The following NOL7 variants were observed in gnomAD, a reference collection of about 807,000 sequenced individuals.
The protein encoded by NOL7 is U3 small nucleolar RNA-associated protein NOL7.
NOL7 carries 36 observed loss-of-function variants against 38.4 expected under a neutral mutation model. The ratio of observed to expected loss-of-function variants is 0.94; its 90% CI spans 0.72 to 1.24. The LOEUF (loss-of-function observed/expected upper bound fraction) is 1.24. NOL7 is among the 50% of genes most tolerant of loss of function. The pLI, the probability that NOL7 is intolerant of heterozygous loss-of-function variation, is 0.00. For synonymous variants in NOL7, 142 were observed against 126.5 expected, an observed-to-expected ratio of 1.12 and a Z score of -0.82; for missense variants, 350 against 315.1, an observed-to-expected ratio of 1.11 and a Z score of -0.84.
chr6:13,625,168 G>T (rs1164042423), downstream of NOL7, among the ~76,000 whole-genome samples: 1 of 152,078 alleles, frequency 6.6e-6, no homozygotes, highest in Non-Finnish European at 1.5e-5. Context: ...CCTAACTCTT[G>T]TGACAATTAT....
chr6:13,630,331 A>G (rs563850469), intron 8 of NOL7, among the ~76,000 whole-genome samples: 5 of 152,320 alleles, frequency 3.3e-5, no homozygotes, highest in South Asian at 2.1e-4. Flanking sequence ...TAACCAAGGA[A>G]TATCTTTGAG....
chr6:13,619,284 C>T (rs1341402534), intron 5 of NOL7, among the ~76,000 whole-genome samples: 1 of 152,236 alleles, frequency 6.6e-6, no homozygotes, highest in East Asian at 1.9e-4. Context: ...GCCTTATCTT[C>T]TATTCTTATG....
At position 13,617,102 on chromosome 6, in the gene NOL7, ACT is replaced by A. The variant is rs369903969; in HGVS notation, c.386+585_386+586del. On this transcript the variant is annotated intron_variant, in intron 3 of 7. Coordinates refer to ENST00000451315, the MANE Select transcript of NOL7 (RefSeq NM_016167.5). ...CAGCCCCCTTTTGCTTAGGCCAGTG[ACT>A]CTCAAGTTTTCAGTAAAAAAACTTT... 1.4e-3 allele frequency among the ~76,000 whole-genome samples: 206 copies of A among 151,610 alleles called. 8 individuals are homozygous for A. The South Asian group carries it at 0.04, about 29-fold the overall frequency.
intron 8 of NOL7, among the ~76,000 whole-genome samples, chr6:13,632,118 C>CTTTTTTTTTTTTTTTTTTT (rs752500098): frequency 1.3e-5 from 1 of 74,964 alleles, no homozygotes; most frequent in Non-Finnish European, 2.6e-5. Context: ...GGATTTAATC[C>CTTTTTTTTTTTTTTTTTTT]TTTTTTTTTT....
chr6:13,620,600 G>A, intron 7 of NOL7, 115 bp downstream of exon 7: 1 of 1,136,484 alleles, frequency 8.8e-7, no homozygotes. Context: ...TATATATTAA[G>A]TTACTTGTGA....
intron 2 of NOL7, among the ~76,000 whole-genome samples, 198 bp downstream of exon 2, chr6:13,615,970 A>T (rs999500532): frequency 1.3e-5 from 2 of 152,048 alleles, no homozygotes; most frequent in Non-Finnish European, 2.9e-5. Flanking sequence ...CGGGATGTCG[A>T]GGCTGCCTGG....
chr6:13,631,422 T>C (rs1468334613), intron 8 of NOL7, among the ~76,000 whole-genome samples: 1 of 152,212 alleles, frequency 6.6e-6, no homozygotes, highest in African/African-American at 2.4e-5. Flanking sequence ...TAATTGAGCA[T>C]CTCTCATCTT....
intron 3 of NOL7, 143 bp downstream of exon 3, chr6:13,616,664 A>C (rs995622578): frequency 6.7e-6 from 4 of 593,332 alleles, no homozygotes; most frequent in African/African-American, 3.8e-5. Flanking sequence ...ATTTGATGGG[A>C]AAGACGGAGG....
At chr6:13,620,618 G>A (rs1414238364) in intron 7 of NOL7, 133 bp downstream of exon 7, 9 of 1,016,360 alleles carry the variant, frequency 8.9e-6, no homozygotes, top group African/African-American at 1.6e-5. Context: ...TGAAAAACAG[G>A]TCAATGTAGT....
chr6:13,626,848 A>G (rs1465796519), intron 8 of NOL7, among the ~76,000 whole-genome samples: 1 of 152,236 alleles, frequency 6.6e-6, no homozygotes, highest in Non-Finnish European at 1.5e-5. Flanking sequence ...TAGTGTTATG[A>G]AAGCAGAGGT....
intron 8 of NOL7, among the ~76,000 whole-genome samples, chr6:13,628,394 C>T (rs1160654455): frequency 6.6e-6 from 1 of 151,962 alleles, no homozygotes; most frequent in Non-Finnish European, 1.5e-5. Context: ...CAAACTCAGG[C>T]TGAGAGAAAG....
Position 13,618,092 on chromosome 6 carries a change from A to G in NOL7, c.453A>G (p.Lys151=), listed in dbSNP as rs767993129. ...NLQKKNEDCE[K]GNDSKKVKVQ... ...AAAAGAAAAATGAAGACTGTGAAAA[A>G]GGAAATGACTCCAAGAAAGTTAAAG... The change falls in exon 5 of 8, where the codon AAA becomes AAG. Residue 151 remains lysine, a synonymous_variant. Transcript: ENST00000451315. 12 of 1,585,054 alleles carry G rather than the reference A, an allele frequency of 7.6e-6. No individual in the cohort carries two copies. In the Admixed American group the frequency reaches 1.2e-4, roughly 16 times the overall value.
At chr6:13,617,984 A>C in intron 4 of NOL7, 74 bp from the exon 5 acceptor site, 2 of 1,005,304 alleles carry the variant, frequency 2.0e-6, no homozygotes, top group Non-Finnish European at 3.1e-6. Context: ...GTGGATGCTT[A>C]AAGTGAACTC....
chr6:13,617,826 C>A (rs748694360), intron 4 of NOL7, 25 bp downstream of exon 4: 1 of 1,604,056 alleles, frequency 6.2e-7, no homozygotes, highest in Admixed American at 1.7e-5. Context: ...ATTTAACTAA[C>A]TTCTCATGTA....
chr6:13,618,341 G>A (rs1764342298), intron 5 of NOL7: 1 of 182,004 alleles, frequency 5.5e-6, no homozygotes, highest in Non-Finnish European at 1.2e-5. Context: ...TCCGCTTCCC[G>A]GGTTCACGCC....
chr6:13,617,331 TTCTC>T (rs1309516882), intron 3 of NOL7, among the ~76,000 whole-genome samples: 1 of 152,128 alleles, frequency 6.6e-6, no homozygotes, highest in East Asian at 1.9e-4. Flanking sequence ...CCATTTACAT[TTCTC>T]TCTCCATTGG....
At chr6:13,628,685 T>G (rs1004211932) in intron 8 of NOL7, among the ~76,000 whole-genome samples, 2 of 152,252 alleles carry the variant, frequency 1.3e-5, no homozygotes, top group African/African-American at 4.8e-5. Flanking sequence ...ACTTGATTCT[T>G]TCTTCACAAA....
downstream of NOL7, among the ~76,000 whole-genome samples, chr6:13,622,960 C>CATATAT (rs905700772): frequency 6.6e-6 from 1 of 152,260 alleles, no homozygotes; most frequent in African/African-American, 2.4e-5. Flanking sequence ...ATCTCCAAGG[C>CATATAT]ATATATAGGT....
At chr6:13,622,585 C>T (rs1332837457), downstream of NOL7, 1 of 1,301,450 alleles carries the variant, frequency 7.7e-7, no homozygotes, top group Non-Finnish European at 1.0e-6. Flanking sequence ...ACTTTAAAAA[C>T]TACCACTCCC....
Sources: gnomAD v4.1 joint callset for allele counts (sites outside exome capture counted in the v4.1 genomes callset) on GRCh38, gnomAD v4.1.1 for gene constraint, MANE v1.5 for transcripts, NCBI Gene and HGNC (gene_info 2026-07-23, HGNC 2026-07-21) for gene names.